PKIB: variants seen among roughly 807,000 people sequenced by gnomAD.
The protein encoded by PKIB is cAMP-dependent protein kinase inhibitor beta.
In PKIB, 2 loss-of-function variants were observed where a neutral mutation model predicts 4.5. The observed-to-expected ratio is 0.44, with a 90% confidence interval of 0.18 to 1.39. The LOEUF (loss-of-function observed/expected upper bound fraction) is 1.39, where lower values mean the gene tolerates loss of function less well. PKIB is among the 40% of genes most tolerant of loss of function. PKIB has a pLI of 0.27. For missense variants in PKIB, 94 were observed against 92.6 expected, an observed-to-expected ratio of 1.02 and a Z score of -0.06; for synonymous variants, 38 against 36.0, an observed-to-expected ratio of 1.06 and a Z score of -0.20.
chr6:122,635,600 T>TCTAGCTAAATAATGAAGA (rs1375477186), intron 2 of PKIB, among the ~76,000 whole-genome samples: 2 of 150,714 alleles, frequency 1.3e-5, no homozygotes, highest in Non-Finnish European at 3.0e-5. Flanking sequence ...TCATAAAAAT[T>TCTAGCTAAATAATGAAGA]CATTGAAATA....
intron 2 of PKIB, among the ~76,000 whole-genome samples, chr6:122,548,188 T>C (rs197679): frequency 0.81 from 122,755 of 152,126 alleles, 49,736 homozygotes; most frequent in South Asian, 0.92. Flanking sequence ...CTGAGAATTA[T>C]AGTAGCTTAA....
At chr6:122,555,013 A>G (rs761999957) in intron 2 of PKIB, among the ~76,000 whole-genome samples, 2 of 152,168 alleles carry the variant, frequency 1.3e-5, no homozygotes, top group African/African-American at 2.4e-5. Context: ...TCATCAATTT[A>G]TTTCTAGATC....
At chr6:122,536,355 C>T (rs1448658459) in intron 2 of PKIB, among the ~76,000 whole-genome samples, 1 of 152,148 alleles carries the variant, frequency 6.6e-6, no homozygotes, top group South Asian at 2.1e-4. Flanking sequence ...CTTTAATTAT[C>T]AAATATAATT....
At chr6:122,712,632 G>GT (rs1779319344) in intron 3 of PKIB, among the ~76,000 whole-genome samples, 1 of 152,040 alleles carries the variant, frequency 6.6e-6, no homozygotes, top group East Asian at 1.9e-4. Context: ...GTTATTTTGT[G>GT]TTTTTTCAGA....
intron 3 of PKIB, among the ~76,000 whole-genome samples, chr6:122,707,282 C>G (rs1195189517): frequency 6.6e-6 from 1 of 151,826 alleles, no homozygotes; most frequent in Non-Finnish European, 1.5e-5. Context: ...TTTTTGCTTG[C>G]TGCAACGTTA....
intron 3 of PKIB, among the ~76,000 whole-genome samples, chr6:122,704,754 T>G (rs888084902): frequency 1.2e-4 from 10 of 83,502 alleles, no homozygotes; most frequent in African/African-American, 3.6e-4. Flanking sequence ...GTGTGTGTGT[T>G]TATGTTTAGA....
intron 2 of PKIB, among the ~76,000 whole-genome samples, chr6:122,513,577 T>TTGTA (rs1481866846): frequency 6.6e-6 from 1 of 151,594 alleles, no homozygotes; most frequent in Middle Eastern, 3.2e-3. Flanking sequence ...ATCACCCAGG[T>TTGTA]TGTAGTAAAC....
At chr6:122,634,128 T>A (rs866446749) in intron 2 of PKIB, among the ~76,000 whole-genome samples, 1 of 152,112 alleles carries the variant, frequency 6.6e-6, no homozygotes, top group Non-Finnish European at 1.5e-5. Flanking sequence ...AAACACTGCA[T>A]GTTCTCACTC....
chr6:122,656,502 C>A (rs974891850), intron 2 of PKIB, among the ~76,000 whole-genome samples: 2 of 152,098 alleles, frequency 1.3e-5, no homozygotes, highest in Non-Finnish European at 2.9e-5. Flanking sequence ...TCAAGCAAAG[C>A]TTTTTAGCCA....
intron 4 of PKIB, among the ~76,000 whole-genome samples, chr6:122,724,246 A>G (rs181644022): frequency 3.3e-5 from 5 of 152,258 alleles, no homozygotes; most frequent in African/African-American, 1.2e-4. Context: ...GAGAAAGGGA[A>G]AGTCAGGTAA....
At chr6:122,528,067 T>G (rs1022412360) in intron 2 of PKIB, among the ~76,000 whole-genome samples, 1 of 152,162 alleles carries the variant, frequency 6.6e-6, no homozygotes, top group Non-Finnish European at 1.5e-5. Flanking sequence ...ATTTGGTGCA[T>G]AAATACTTAT....
At chr6:122,473,903 C>T (rs1172050408) in intron 1 of PKIB, among the ~76,000 whole-genome samples, 2 of 152,168 alleles carry the variant, frequency 1.3e-5, no homozygotes, top group African/African-American at 2.4e-5. Context: ...GTGGCTGAGG[C>T]GGGCAGATCA....
chr6:122,706,207 A>G (rs1779051281), intron 3 of PKIB, among the ~76,000 whole-genome samples: 2 of 152,098 alleles, frequency 1.3e-5, no homozygotes, highest in Admixed American at 1.3e-4. Flanking sequence ...AATATTCCTT[A>G]ATCACCCCAA....
intron 3 of PKIB, chr6:122,717,583 T>G (rs1779550032): frequency 3.8e-6 from 2 of 520,104 alleles, no homozygotes; most frequent in Non-Finnish European, 6.7e-6. Context: ...GCAATCTGGC[T>G]CACACTGAGG....
chr6:122,498,108 A>G (rs1776127108), intron 2 of PKIB, among the ~76,000 whole-genome samples: 1 of 152,196 alleles, frequency 6.6e-6, no homozygotes, highest in South Asian at 2.1e-4. Context: ...CTTGCTCCTG[A>G]ATGCTGTATT....
intron 2 of PKIB, among the ~76,000 whole-genome samples, chr6:122,543,881 C>T (rs1260502740): frequency 6.6e-6 from 1 of 151,902 alleles, no homozygotes; most frequent in Non-Finnish European, 1.5e-5. Context: ...ATGGTTAATC[C>T]ACTCTAGTTG....
At chr6:122,688,348 GT>G (rs1562302423) in intron 3 of PKIB, among the ~76,000 whole-genome samples, 1 of 151,878 alleles carries the variant, frequency 6.6e-6, no homozygotes, top group African/African-American at 2.4e-5. Context: ...AGTTGAATTG[GT>G]TTGCTAGTGT....
At chr6:122,565,990 G>T (rs972086018) in intron 2 of PKIB, among the ~76,000 whole-genome samples, 1 of 151,830 alleles carries the variant, frequency 6.6e-6, no homozygotes, top group Non-Finnish European at 1.5e-5. Context: ...GACAAACTGT[G>T]GCTATAAGTG....
intron 3 of PKIB, among the ~76,000 whole-genome samples, chr6:122,700,251 CTTTTTTTT>C (rs34063696): frequency 6.4e-5 from 6 of 94,330 alleles, no homozygotes; most frequent in Non-Finnish European, 1.3e-4. Flanking sequence ...TCTTTTCTTT[CTTTTTTTT>C]TTTTTTTTTT....
Sources: allele counts gnomAD v4.1 joint callset (sites outside exome capture counted in the v4.1 genomes callset), GRCh38; gene constraint gnomAD v4.1.1; transcripts MANE v1.5; gene names NCBI Gene and HGNC (gene_info 2026-07-23, HGNC 2026-07-21).